The following NEK6 variants were observed in gnomAD, a reference collection of about 807,000 sequenced individuals.
NEK6 encodes NIMA related kinase 6.
In NEK6, 27 loss-of-function variants were observed where a neutral mutation model predicts 43.5. The ratio of observed to expected loss-of-function variants is 0.62; its 90% CI spans 0.46 to 0.86. The LOEUF (loss-of-function observed/expected upper bound fraction) is 0.86, where lower values mean the gene tolerates loss of function less well. Among genes scored for constraint, NEK6 ranks in the 40% least tolerant of loss-of-function variants. NEK6 has a pLI of 0.00. For missense variants in NEK6, 318 were observed against 414.4 expected, an observed-to-expected ratio of 0.77 and a Z score of 2.02; for synonymous variants, 167 against 164.1, an observed-to-expected ratio of 1.02 and a Z score of -0.14.
At chr9:124,335,687 C>G (rs918283990) in intron 7 of NEK6, among the ~76,000 whole-genome samples, 6 of 152,250 alleles carry the variant, frequency 3.9e-5, no homozygotes, top group African/African-American at 1.4e-4. Context: ...CCGTCCTGCG[C>G]AGGGTACTGG....
chr9:124,294,432 C>T (rs925051233), intron 1 of NEK6, among the ~76,000 whole-genome samples: 70 of 151,330 alleles, frequency 4.6e-4, no homozygotes, highest in African/African-American at 1.6e-3. Context: ...GCGGAGGTTG[C>T]AGTCAGCAGA....
At chr9:124,287,362 G>A (rs760555756) in intron 1 of NEK6, among the ~76,000 whole-genome samples, 19 of 152,230 alleles carry the variant, frequency 1.2e-4, no homozygotes, top group East Asian at 1.9e-4. Flanking sequence ...ACACGGGGCC[G>A]AGCCCCACCT....
At chr9:124,310,084 T>C (rs1481123756) in intron 2 of NEK6, among the ~76,000 whole-genome samples, 1 of 152,174 alleles carries the variant, frequency 6.6e-6, no homozygotes, top group Non-Finnish European at 1.5e-5. Context: ...AGGAGGGATC[T>C]GAGCTGAGAG....
At chr9:124,284,757 T>C (rs1395906643) in intron 1 of NEK6, among the ~76,000 whole-genome samples, 1 of 152,212 alleles carries the variant, frequency 6.6e-6, no homozygotes, top group African/African-American at 2.4e-5. Flanking sequence ...GAACTTTCTC[T>C]GCTCTTGCAT....
chr9:124,313,575 C>G (rs920910381), intron 3 of NEK6, among the ~76,000 whole-genome samples: 2 of 152,170 alleles, frequency 1.3e-5, no homozygotes, highest in Non-Finnish European at 2.9e-5. Flanking sequence ...ACCATGTTGG[C>G]CAGGCTGGTC....
Position 124,313,347 on chromosome 9 carries a change from C to A in NEK6, c.232-576C>A, listed in dbSNP as rs1326312092. Among the ~76,000 whole-genome samples, 3 of 150,638 alleles carry A rather than the reference C, an allele frequency of 2.0e-5. No individual in the cohort carries two copies. In the East Asian group the frequency reaches 5.8e-4, roughly 29 times the overall value. The stretch of plus-strand genomic sequence containing the variant: ...GAGGAGTAGCAGGGTCCTCTCTGTC[C>A]AAAAAAGGACCAGTTTCTCTCTTGA... On this transcript the variant is annotated intron_variant, in intron 3 of 9. Transcript: ENST00000320246.
At chr9:124,328,521 C>T (rs983095050) in intron 7 of NEK6, among the ~76,000 whole-genome samples, 15 of 152,158 alleles carry the variant, frequency 9.9e-5, no homozygotes, top group African/African-American at 3.4e-4. Context: ...CCAGGAGCTG[C>T]CCGCCGCCTC....
intron 8 of NEK6, among the ~76,000 whole-genome samples, chr9:124,344,863 T>C (rs1829837483): frequency 6.6e-6 from 1 of 152,140 alleles, no homozygotes; most frequent in Non-Finnish European, 1.5e-5. Flanking sequence ...CGCTTTGGAA[T>C]GCTGCTTGGA....
chr9:124,328,884 G>A (rs1025003872), intron 7 of NEK6, among the ~76,000 whole-genome samples: 1 of 152,216 alleles, frequency 6.6e-6, no homozygotes, highest in African/African-American at 2.4e-5. Context: ...TAGCTCCAAA[G>A]GGAAGATGTG....
intron 1 of NEK6, among the ~76,000 whole-genome samples, chr9:124,276,784 G>A (rs1443627070): frequency 3.3e-5 from 5 of 152,242 alleles, no homozygotes; most frequent in Admixed American, 6.5e-5. Flanking sequence ...GCCAGGTGGC[G>A]AAGGCCTGCA....
At chr9:124,318,508 A>G (rs1458126887) in intron 4 of NEK6, among the ~76,000 whole-genome samples, 1 of 152,166 alleles carries the variant, frequency 6.6e-6, no homozygotes. Flanking sequence ...AAGTGCTGGC[A>G]TTATAGGCAT....
intron 9 of NEK6, 60 bp downstream of exon 9, chr9:124,347,882 G>T: frequency 3.9e-6 from 4 of 1,016,220 alleles, no homozygotes; most frequent in Non-Finnish European, 6.2e-6. Context: ...GCTTATGAGG[G>T]CCGCTCCAAA....
chr9:124,311,907 C>A (rs559686296), intron 2 of NEK6, among the ~76,000 whole-genome samples: 8 of 152,218 alleles, frequency 5.3e-5, no homozygotes, highest in Admixed American at 6.5e-5. Context: ...CCAGGCTGGT[C>A]TCGAACTCCT....
intron 1 of NEK6, chr9:124,292,550 T>C: frequency 6.5e-7 from 1 of 1,536,886 alleles, no homozygotes; most frequent in South Asian, 1.2e-5. Flanking sequence ...GTGAGTTTTT[T>C]ACAAACACCG....
chr9:124,280,304 C>T (rs1250551221), intron 1 of NEK6, among the ~76,000 whole-genome samples: 1 of 152,222 alleles, frequency 6.6e-6, no homozygotes, highest in Non-Finnish European at 1.5e-5. Context: ...GCCCACCCTG[C>T]CCCTGGTCTA....
chr9:124,295,534 G>A (rs1220255963), intron 1 of NEK6, among the ~76,000 whole-genome samples: 6 of 152,232 alleles, frequency 3.9e-5, no homozygotes, highest in Admixed American at 1.3e-4. Context: ...GACCAAGGCA[G>A]ACTTGGTTTC....
At chr9:124,270,015 C>G (rs1422679340) in intron 1 of NEK6, among the ~76,000 whole-genome samples, 1 of 152,122 alleles carries the variant, frequency 6.6e-6, no homozygotes, top group African/African-American at 2.4e-5. Flanking sequence ...CCGCAGCATC[C>G]CTGCCTTTGG....
At position 124,348,382 on chromosome 9, in the gene NEK6, G is replaced by A. The variant is rs186763987; in HGVS notation, c.831+560G>A. Among the ~76,000 whole-genome samples the A allele has an allele frequency of 3.7e-4, 56 of 152,318 alleles. 1 individual carries two copies. The highest frequency in any genetic ancestry group is 1.3e-3 in the African/African-American group (53 of 41,564). On this transcript the variant is annotated intron_variant, in intron 9 of 9. Coordinates refer to ENST00000320246, the MANE Select transcript of NEK6 (RefSeq NM_014397.6). ...GGCATGGGGCTGTACCAGTTACTAG[G>A]AATGTGTGAATATCTTATTCCTCGG...
chr9:124,307,540 G>A (rs1255392313), intron 2 of NEK6, among the ~76,000 whole-genome samples: 2 of 152,186 alleles, frequency 1.3e-5, no homozygotes, highest in East Asian at 1.9e-4. Context: ...TCGTGCCCAC[G>A]GTGACAGGCA....
Sources: gnomAD v4.1 joint callset for allele counts (sites outside exome capture counted in the v4.1 genomes callset) on GRCh38, gnomAD v4.1.1 for gene constraint, MANE v1.5 for transcripts, NCBI Gene and HGNC (gene_info 2026-07-23, HGNC 2026-07-21) for gene names.